The following GAS7 variants were observed in gnomAD, a reference collection of about 807,000 sequenced individuals.
The protein encoded by GAS7 is growth arrest-specific protein 7.
A neutral mutation model predicts 71.1 loss-of-function variants in GAS7; 28 were observed. The ratio of observed to expected loss-of-function variants is 0.39; its 90% CI spans 0.29 to 0.54. The LOEUF (loss-of-function observed/expected upper bound fraction) is 0.54, where lower values mean the gene tolerates loss of function less well. GAS7 is among the 20% of genes least tolerant of loss of function. GAS7 has a pLI of 0.62. For synonymous variants in GAS7, 258 were observed against 245.8 expected, an observed-to-expected ratio of 1.05 and a Z score of -0.46; for missense variants, 436 against 627.8, an observed-to-expected ratio of 0.69 and a Z score of 3.27.
At chr17:10,162,942 T>G (rs1057211378) in intron 1 of GAS7, among the ~76,000 whole-genome samples, 1 of 152,096 alleles carries the variant, frequency 6.6e-6, no homozygotes, top group Non-Finnish European at 1.5e-5. Flanking sequence ...TGTACAACAA[T>G]GTGATGTGCT....
chr17:10,064,601 T>C lies in GAS7; in HGVS notation c.184-44704A>G, dbSNP rs560488116. Among the ~76,000 whole-genome samples, 3 of 152,336 alleles carry C rather than the reference T, an allele frequency of 2.0e-5. No homozygotes were observed. The East Asian group carries it at 5.8e-4, about 29-fold the overall frequency. On this transcript the variant is annotated intron_variant, in intron 1 of 13. Transcript: ENST00000432992. ...TGGTTTTGGAATTACTGGGGAAAGA[T>C]GTATTACTATGACAAGATGCAAGCC...
At chr17:10,004,651 C>T (rs1281155920) in intron 2 of GAS7, among the ~76,000 whole-genome samples, 1 of 152,162 alleles carries the variant, frequency 6.6e-6, no homozygotes, top group Admixed American at 6.5e-5. Flanking sequence ...TAAGTCTGCT[C>T]GCCCTAGATT....
rs35613552 is a variant in GAS7, at chr17:9,922,196, A to AGATGAT, written c.1139-2497_1139-2492dup. Among the ~76,000 whole-genome samples, 586 of 100,380 alleles carry AGATGAT rather than the reference A, an allele frequency of 5.8e-3. 3 individuals carry two copies. The highest frequency in any genetic ancestry group is 0.016 in the African/African-American group (507 of 31,942). 65.9% of individuals were successfully genotyped at this position (100,380 alleles called of 152,430 possible). A position where few individuals can be genotyped will look rare whatever the true frequency, so the allele number is the denominator to read the frequency against. On this transcript the variant is annotated intron_variant, in intron 11 of 13. Coordinates refer to ENST00000432992, the MANE Select transcript of GAS7 (RefSeq NM_201433.2). The stretch of plus-strand genomic sequence containing the variant: ...TTAATATGGGCTATGGTGGTGATGA[A>AGATGAT]GATGATGATGATGATGATGATGATG...
At chr17:10,118,791 T>A (rs1290570143) in intron 1 of GAS7, among the ~76,000 whole-genome samples, 2 of 150,754 alleles carry the variant, frequency 1.3e-5, no homozygotes, top group Admixed American at 1.3e-4. Context: ...GGGGCCCAGT[T>A]AACCATGAGG....
intron 4 of GAS7, among the ~76,000 whole-genome samples, chr17:9,966,005 T>TG (rs1338001131): frequency 2.0e-5 from 3 of 148,312 alleles, no homozygotes; most frequent in Non-Finnish European, 4.5e-5. Flanking sequence ...TTCTTTTTTT[T>TG]TTTTTTTTTT....
At chr17:9,923,685 T>C (rs970676235) in intron 11 of GAS7, among the ~76,000 whole-genome samples, 2 of 152,282 alleles carry the variant, frequency 1.3e-5, no homozygotes, top group Non-Finnish European at 2.9e-5. Context: ...GCATTATTCA[T>C]AGATGCTGTT....
chr17:10,187,109 A>G (rs1331519302), intron 1 of GAS7, among the ~76,000 whole-genome samples: 1 of 152,128 alleles, frequency 6.6e-6, no homozygotes, highest in Non-Finnish European at 1.5e-5. Context: ...TCACTGTCTT[A>G]AAGTTAGGTG....
chr17:9,976,913 T>C (rs918462875), intron 3 of GAS7, among the ~76,000 whole-genome samples: 3 of 152,238 alleles, frequency 2.0e-5, no homozygotes, highest in Non-Finnish European at 2.9e-5. Context: ...AAGCCACAGA[T>C]GCCTATTTGA....
chr17:10,054,222 G>A (rs1391652928), intron 1 of GAS7, among the ~76,000 whole-genome samples: 5 of 151,506 alleles, frequency 3.3e-5, no homozygotes, highest in East Asian at 3.9e-4. Flanking sequence ...ACATGGGTGC[G>A]GGGAATATTT....
At position 9,911,742 on chromosome 17, in the gene GAS7, G is replaced by A. The variant is rs889415971; in HGVS notation, c.*5486C>T. On this transcript the variant is annotated 3_prime_UTR_variant, in exon 14 of 14. Coordinates refer to ENST00000432992, the MANE Select transcript of GAS7 (RefSeq NM_201433.2). This position sits in a 1 kb window ranked among gnomAD's most constrained non-coding sequence, Gnocchi z 4.0. ...CTTCGGCTCCCTACCTTGAGGCCCC[G>A]GGGGCTCAGGCTTCCTGGCCCTAAT... is the stretch of plus-strand genomic sequence containing the variant. The A allele has an allele frequency of 5.6e-5, 13 of 231,430 alleles. No homozygotes were observed. The highest frequency in any genetic ancestry group is 6.1e-5 in the East Asian group (1 of 16,342). 14.3% of individuals were successfully genotyped at this position (231,430 alleles called of 1,614,324 possible).
intron 1 of GAS7, among the ~76,000 whole-genome samples, chr17:10,145,127 C>T (rs920853758): frequency 6.6e-6 from 1 of 152,260 alleles, no homozygotes; most frequent in East Asian, 1.9e-4. Flanking sequence ...CAGCCCCACA[C>T]TGGCAGACAG....
At chr17:10,116,761 T>C (rs2073865039) in intron 1 of GAS7, among the ~76,000 whole-genome samples, 1 of 152,148 alleles carries the variant, frequency 6.6e-6, no homozygotes, top group South Asian at 2.1e-4. Flanking sequence ...GACACTGGGA[T>C]ACATCAGTTA....
intron 1 of GAS7, among the ~76,000 whole-genome samples, chr17:10,031,457 A>G (rs1226325380): frequency 6.6e-6 from 1 of 152,200 alleles, no homozygotes; most frequent in African/African-American, 2.4e-5. Flanking sequence ...AAGATTTGCA[A>G]ATGATCCTGC....
intron 1 of GAS7, among the ~76,000 whole-genome samples, chr17:10,054,836 A>T (rs1015138161): frequency 3.9e-5 from 6 of 152,126 alleles, no homozygotes; most frequent in Non-Finnish European, 7.4e-5. Context: ...CACCCACCCG[A>T]GAACTGGGCT....
chr17:10,062,299 A>G (rs920112938), intron 1 of GAS7, among the ~76,000 whole-genome samples: 1 of 152,242 alleles, frequency 6.6e-6, no homozygotes, highest in Non-Finnish European at 1.5e-5. Context: ...AGCCTGGCCA[A>G]CGTGGCGAAA....
In GAS7 at chr17:10,103,205, G is replaced by A. The variant is rs776173387; in HGVS notation, c.184-83308C>T. ...CCTCCTCTAAAAAAATTAGCCAGGC[G>A]TGGTGGTGCACACTTGTGGTCCTAG... On this transcript the variant is annotated intron_variant, in intron 1 of 13. Coordinates refer to ENST00000432992, the MANE Select transcript of GAS7 (RefSeq NM_201433.2). This position sits in a 1 kb window ranked among gnomAD's most constrained non-coding sequence, Gnocchi z 5.5. 3.9e-5 allele frequency among the ~76,000 whole-genome samples: 6 copies of A among 151,954 alleles called. No individual in the cohort carries two copies. Among genetic ancestry groups the A allele is most frequent in the South Asian group, 2.1e-4 (1 of 4,806 alleles).
chr17:9,953,858 T>G (rs976362750), intron 5 of GAS7, among the ~76,000 whole-genome samples: 3 of 152,206 alleles, frequency 2.0e-5, no homozygotes, highest in African/African-American at 7.2e-5. Flanking sequence ...ACTGGTGCAG[T>G]GTTGGGTACA....
At chr17:10,031,329 GAACATAATTAC>G (rs1369536154) in intron 1 of GAS7, among the ~76,000 whole-genome samples, 2 of 152,200 alleles carry the variant, frequency 1.3e-5, no homozygotes, top group Non-Finnish European at 2.9e-5. Context: ...GAATTTTGAT[GAACATAATTAC>G]AACGCAGTCC....
intron 5 of GAS7, among the ~76,000 whole-genome samples, chr17:9,951,760 C>CA (rs59048492): frequency 0.011 from 749 of 68,992 alleles, 76 homozygotes; most frequent in Admixed American, 0.029. Context: ...AACTCTGTCT[C>CA]AAAAAAAAAA....
Sources: allele counts gnomAD v4.1 joint callset (sites outside exome capture counted in the v4.1 genomes callset), GRCh38; gene constraint gnomAD v4.1.1; non-coding constraint Gnocchi (gnomAD v3.1); transcripts MANE v1.5; gene names NCBI Gene and HGNC (gene_info 2026-07-23, HGNC 2026-07-21).